CRYBG1: variants seen among roughly 807,000 people sequenced by gnomAD.
The protein encoded by CRYBG1 is crystallin beta-gamma domain containing 1.
CRYBG1 carries 139 observed loss-of-function variants against 189.2 expected under a neutral mutation model. That is an observed-to-expected ratio of 0.73 (90% CI 0.64 to 0.85). The LOEUF (loss-of-function observed/expected upper bound fraction) is 0.85. Ranked by LOEUF, CRYBG1 falls within the 40% of genes least tolerant of loss-of-function variation. The pLI is 0.00. For synonymous variants in CRYBG1, 1,023 were observed against 1,017.1 expected (o/e 1.01, Z -0.11); for missense variants, 2,611 against 2,675.8 (o/e 0.98, Z 0.53).
At chr6:106,497,936 C>CAA (rs201246285) in intron 2 of CRYBG1, among the ~76,000 whole-genome samples, 9 of 150,518 alleles carry the variant, frequency 6.0e-5, no homozygotes, top group African/African-American at 2.2e-4. Context: ...ACTACAAATA[C>CAA]AAAAAAAAAT....
intron 10 of CRYBG1, among the ~76,000 whole-genome samples, chr6:106,542,755 G>A (rs990066634): frequency 5.4e-5 from 8 of 149,050 alleles, no homozygotes; most frequent in East Asian, 2.0e-4. Flanking sequence ...GAGTTCAAGC[G>A]GTTCTGCCTC....
intron 2 of CRYBG1, among the ~76,000 whole-genome samples, chr6:106,471,990 T>A (rs2114468188): frequency 6.6e-6 from 1 of 152,324 alleles, no homozygotes; most frequent in Middle Eastern, 3.4e-3. Flanking sequence ...CTTCACTGAT[T>A]GAGATATATT....
intron 9 of CRYBG1, 114 bp from the exon 10 acceptor site, chr6:106,541,472 A>T: frequency 9.5e-7 from 1 of 1,054,268 alleles, no homozygotes; most frequent in Non-Finnish European, 1.5e-6. Context: ...AGTTAAAACA[A>T]ACCAGAACAT....
rs1296751104 is a variant in CRYBG1, at chr6:106,368,720, G to A, written c.173+7639G>A. 2.6e-5 allele frequency among the ~76,000 whole-genome samples: 4 copies of A among 152,096 alleles called. No homozygotes were observed. In the South Asian group the frequency reaches 6.2e-4, roughly 24 times the overall value. ...CATCTTCTGGATTGTTCCGTTCAGT[G>A]GAAGAGAAGCAATGACCCCTCATAA... is the stretch of plus-strand genomic sequence containing the variant. On this transcript the variant is annotated intron_variant, in intron 1 of 21. Coordinates refer to ENST00000633556, the MANE Select transcript of CRYBG1 (RefSeq NM_001371242.2).
chr6:106,570,010 GCAAA>G lies in CRYBG1; in HGVS notation c.*1450_*1453del, dbSNP rs113141535. On this transcript the variant is annotated 3_prime_UTR_variant, in exon 22 of 22. Coordinates refer to ENST00000633556, the MANE Select transcript of CRYBG1 (RefSeq NM_001371242.2). ...TCAACTGCAGTAAGCATTTCAAAAT[GCAAA>G]CAAACTGCTTAACAACTGACAAGAC... is the stretch of plus-strand genomic sequence containing the variant. 1 of 152,168 alleles carries G rather than the reference GCAAA, an allele frequency of 6.6e-6. No homozygotes were observed. Among genetic ancestry groups the G allele is most frequent in the Non-Finnish European group, 1.5e-5 (1 of 68,036 alleles). The allele number at this position is 152,168 out of a possible 1,614,324, so 9.4% of individuals were successfully genotyped here.
chr6:106,492,058 A>C (rs1772735821), intron 2 of CRYBG1, among the ~76,000 whole-genome samples: 1 of 152,152 alleles, frequency 6.6e-6, no homozygotes, highest in Non-Finnish European at 1.5e-5. Flanking sequence ...CTTTAAGGCT[A>C]GTACTGTGTT....
intron 1 of CRYBG1, among the ~76,000 whole-genome samples, chr6:106,378,985 A>G (rs909487693): frequency 6.6e-6 from 1 of 151,988 alleles, no homozygotes; most frequent in Non-Finnish European, 1.5e-5. Flanking sequence ...CGTCTCTACT[A>G]AAAATACAAA....
chr6:106,531,627 GT>G (rs1233773422), intron 8 of CRYBG1, among the ~76,000 whole-genome samples: 1 of 151,402 alleles, frequency 6.6e-6, no homozygotes, highest in African/African-American at 2.4e-5. Flanking sequence ...TATGAGTTAG[GT>G]ACCTCCTTTA....
At chr6:106,480,499 G>GGAA (rs769616156) in intron 2 of CRYBG1, among the ~76,000 whole-genome samples, 2 of 109,704 alleles carry the variant, frequency 1.8e-5, no homozygotes, top group African/African-American at 6.1e-5. Flanking sequence ...TTTCTCTACT[G>GGAA]AAAAAAAAAA....
intron 2 of CRYBG1, among the ~76,000 whole-genome samples, chr6:106,507,182 T>C (rs373911659): frequency 1.4e-4 from 22 of 152,318 alleles, no homozygotes; most frequent in East Asian, 9.6e-4. Flanking sequence ...GTGCCCCTAA[T>C]GAGCCACATT....
chr6:106,507,379 T>C (rs1773155499), intron 2 of CRYBG1, among the ~76,000 whole-genome samples: 1 of 151,878 alleles, frequency 6.6e-6, no homozygotes, highest in African/African-American at 2.4e-5. Context: ...AAATACACAG[T>C]AAAAAGGTAA....
At chr6:106,563,742 T>A (rs968311810) in intron 20 of CRYBG1, 22 bp from the exon 21 acceptor site, 1 of 1,584,596 alleles carries the variant, frequency 6.3e-7, no homozygotes, top group Non-Finnish European at 8.6e-7. Flanking sequence ...ATTTAAGATA[T>A]CTGGTCTTTT....
chr6:106,451,668 C>T (rs1291999801), intron 1 of CRYBG1, 26 bp from the exon 2 acceptor site: 1 of 1,525,866 alleles, frequency 6.6e-7, no homozygotes, highest in Non-Finnish European at 8.8e-7. Flanking sequence ...AGTGTATTGA[C>T]ATGACTGTGG....
chr6:106,387,855 A>C (rs1193661509), intron 1 of CRYBG1, among the ~76,000 whole-genome samples: 1 of 152,232 alleles, frequency 6.6e-6, no homozygotes, highest in East Asian at 1.9e-4. Context: ...GCTTTTTCCT[A>C]TGTATTATCA....
intron 1 of CRYBG1, among the ~76,000 whole-genome samples, chr6:106,364,172 A>G (rs1335292661): frequency 6.6e-6 from 1 of 152,034 alleles, no homozygotes; most frequent in Non-Finnish European, 1.5e-5. Context: ...TAAAAGTACA[A>G]AAAAATTAGC....
chr6:106,377,353 A>T (rs1770186364), intron 1 of CRYBG1, among the ~76,000 whole-genome samples: 1 of 152,170 alleles, frequency 6.6e-6, no homozygotes, highest in South Asian at 2.1e-4. Context: ...TACTTAAAGG[A>T]GACACAAAGC....
intron 15 of CRYBG1, 152 bp from the exon 16 acceptor site, chr6:106,553,303 T>C (rs1774451742): frequency 5.0e-6 from 3 of 604,552 alleles, no homozygotes; most frequent in South Asian, 4.1e-5. Flanking sequence ...TGATCATGAA[T>C]GTAGACATGG....
intron 1 of CRYBG1, among the ~76,000 whole-genome samples, chr6:106,418,075 G>A (rs1771058686): frequency 6.6e-6 from 1 of 152,204 alleles, no homozygotes; most frequent in African/African-American, 2.4e-5. Flanking sequence ...GAAGAATGAG[G>A]ATATGCTGAC....
In CRYBG1 at chr6:106,530,263, C is replaced by G; in HGVS notation, c.4666C>G (p.Gln1556Glu). The change falls in exon 8 of 22, where the codon CAG becomes GAG. Residue 1556 changes from glutamine (Q) to glutamate (E), a missense_variant. Transcript: ENST00000633556. ...CTACTTTGATGATACTGAAGAAATG[C>G]AGGGATTTGGTGTAATGCAGAAGAC... ...SSYFDDTEEM[Q>E]GFGVMQKTCS... 1 of 1,613,534 alleles carries G rather than the reference C, an allele frequency of 6.2e-7. No homozygotes were observed. The highest frequency in any genetic ancestry group is 2.2e-5 in the East Asian group (1 of 44,828).
Sources: allele counts gnomAD v4.1 joint callset (sites outside exome capture counted in the v4.1 genomes callset), GRCh38; gene constraint gnomAD v4.1.1; transcripts MANE v1.5; gene names NCBI Gene and HGNC (gene_info 2026-07-23, HGNC 2026-07-21).